The following ZFPM2 variants were observed in gnomAD, a reference collection of about 807,000 sequenced individuals.
The protein encoded by ZFPM2 is zinc finger protein ZFPM2.
Under a neutral mutation model 98.6 loss-of-function variants are expected in ZFPM2, and 20 were observed. That is an observed-to-expected ratio of 0.20 (90% CI 0.14 to 0.29). The LOEUF is 0.29. ZFPM2 is among the 10% of genes least tolerant of loss of function. The pLI is 1.00. For missense variants in ZFPM2, 1,310 were observed against 1,388.6 expected (o/e 0.94, Z 0.90); for synonymous variants, 518 against 502.7 (o/e 1.03, Z -0.41).
At chr8:105,556,413 T>G (rs1371635928) in intron 3 of ZFPM2, among the ~76,000 whole-genome samples, 1 of 152,184 alleles carries the variant, frequency 6.6e-6, no homozygotes, top group Non-Finnish European at 1.5e-5. Context: ...ATTTATCAGG[T>G]ACTTTGCCTT....
chr8:105,559,567 T>C (rs1815083115), intron 3 of ZFPM2, among the ~76,000 whole-genome samples: 1 of 152,172 alleles, frequency 6.6e-6, no homozygotes, highest in South Asian at 2.1e-4. Context: ...TGCATCTTTA[T>C]TGCTCAGATA....
At chr8:105,444,451 G>A in intron 3 of ZFPM2, 70 bp downstream of exon 3, 1 of 1,203,608 alleles carries the variant, frequency 8.3e-7, no homozygotes, top group South Asian at 1.6e-5. Flanking sequence ...TTTTTTTCTT[G>A]AACATCAGTT....
At chr8:105,651,813 A>G (rs1261068181) in intron 5 of ZFPM2, among the ~76,000 whole-genome samples, 1 of 152,230 alleles carries the variant, frequency 6.6e-6, no homozygotes, top group Non-Finnish European at 1.5e-5. Flanking sequence ...AATAAACTCT[A>G]GTGTTACCTG....
intron 3 of ZFPM2, among the ~76,000 whole-genome samples, chr8:105,467,958 A>T (rs1453229094): frequency 6.6e-6 from 1 of 151,962 alleles, no homozygotes; most frequent in Non-Finnish European, 1.5e-5. Flanking sequence ...TTCTGACTTT[A>T]TTACTACTCT....
chr8:105,407,752 T>G (rs1218760038), intron 1 of ZFPM2, among the ~76,000 whole-genome samples: 1 of 151,982 alleles, frequency 6.6e-6, no homozygotes, highest in Non-Finnish European at 1.5e-5. Context: ...AAATAAGAAC[T>G]TTACAACTTT....
rs184758433 is a variant in ZFPM2 at position 105,592,612 on chromosome 8, T to C, written c.420+31131T>C. Among the ~76,000 whole-genome samples the C allele has an allele frequency of 2.5e-3, 375 of 152,206 alleles. 1 individual carries two copies. Among genetic ancestry groups the C allele is most frequent in the Non-Finnish European group, 3.6e-3 (244 of 68,010 alleles). On this transcript the variant is annotated intron_variant, in intron 4 of 7. Transcript: ENST00000407775. ...CACACAAAACCCATATGCACACACA[T>C]ATATTAATATATATAATATATGCAG...
At chr8:105,418,516 A>G (rs1295715180) in intron 1 of ZFPM2, 2 of 514,318 alleles carry the variant, frequency 3.9e-6, no homozygotes, top group East Asian at 5.5e-5. Flanking sequence ...ATAAATACAA[A>G]TTACATTTTT....
rs1563661202 is a variant in ZFPM2 at position 105,443,332 on chromosome 8, A to AAAAAAC, written c.200-943_200-942insCAAAAA. 2.5e-4 allele frequency among the ~76,000 whole-genome samples: 37 copies of AAAAAAC among 150,782 alleles called. 1 individual carries two copies. In the South Asian group the frequency reaches 7.0e-3, roughly 29 times the overall value. On this transcript the variant is annotated intron_variant, in intron 2 of 7. Coordinates refer to ENST00000407775, the MANE Select transcript of ZFPM2 (RefSeq NM_012082.4). ...CTTCTCAAAAAACAAAAAACAAAAA[A>AAAAAAC]AAAAAAACTTGGCATTATTAAATTC...
At chr8:105,523,857 AG>A (rs1200103493) in intron 3 of ZFPM2, among the ~76,000 whole-genome samples, 1 of 152,194 alleles carries the variant, frequency 6.6e-6, no homozygotes, top group Non-Finnish European at 1.5e-5. Flanking sequence ...AATGATGTTC[AG>A]GCCCCCCTGT....
intron 4 of ZFPM2, among the ~76,000 whole-genome samples, chr8:105,626,424 T>A (rs1816656453): frequency 6.6e-6 from 1 of 152,164 alleles, no homozygotes; most frequent in South Asian, 2.1e-4. Context: ...TGAATTGAAT[T>A]CCAGGGTGGA....
At chr8:105,628,100 A>C (rs1816692123) in intron 4 of ZFPM2, among the ~76,000 whole-genome samples, 1 of 152,162 alleles carries the variant, frequency 6.6e-6, no homozygotes, top group South Asian at 2.1e-4. Context: ...TTTGCTAGTT[A>C]CTTCATTCAA....
intron 5 of ZFPM2, among the ~76,000 whole-genome samples, chr8:105,670,957 A>G (rs1469456103): frequency 2.0e-5 from 3 of 152,128 alleles, no homozygotes; most frequent in East Asian, 1.9e-4. Context: ...TGAATAATAT[A>G]CTATATATGG....
chr8:105,781,533 C>A (rs1488004964), intron 5 of ZFPM2, among the ~76,000 whole-genome samples: 1 of 151,948 alleles, frequency 6.6e-6, no homozygotes, highest in Non-Finnish European at 1.5e-5. Flanking sequence ...CCAGCCTGGG[C>A]AACATGGCAA....
chr8:105,365,874 T>C (rs1810495501), intron 1 of ZFPM2, among the ~76,000 whole-genome samples: 2 of 152,282 alleles, frequency 1.3e-5, no homozygotes, highest in Admixed American at 6.5e-5. Context: ...AACAACTTTA[T>C]TTAATTCCTC....
chr8:105,553,522 A>G (rs1170129925), intron 3 of ZFPM2, among the ~76,000 whole-genome samples: 1 of 152,158 alleles, frequency 6.6e-6, no homozygotes, highest in Non-Finnish European at 1.5e-5. Context: ...ATCGCATGAA[A>G]AGGGAATGTT....
rs1168948805 is a variant in ZFPM2, at chr8:105,757,190, A to G, written c.533-31528A>G. Among the ~76,000 whole-genome samples the G allele has an allele frequency of 3.3e-5, 5 of 152,186 alleles. No homozygotes were observed. In the East Asian group the frequency reaches 9.6e-4, roughly 29 times the overall value. On this transcript the variant is annotated intron_variant, in intron 5 of 7. Transcript: ENST00000407775. The stretch of plus-strand genomic sequence containing the variant: ...TGCTCCCTGAGAGAATACTAATAGC[A>G]TGCAAGTCTTGTTAGAGTGACGTCT...
intron 3 of ZFPM2, among the ~76,000 whole-genome samples, chr8:105,481,657 G>A (rs1161599830): frequency 2.0e-5 from 3 of 152,128 alleles, no homozygotes; most frequent in South Asian, 2.1e-4. Context: ...GTTCAGTTGA[G>A]CAACCACCAA....
intron 5 of ZFPM2, among the ~76,000 whole-genome samples, chr8:105,773,073 A>G (rs1238542565): frequency 6.6e-6 from 1 of 152,212 alleles, no homozygotes; most frequent in Admixed American, 6.5e-5. Flanking sequence ...GAATAGAATT[A>G]AATAAATAAA....
At chr8:105,341,513 AGTAT>A (rs559608779) in intron 1 of ZFPM2, among the ~76,000 whole-genome samples, 21 of 151,990 alleles carry the variant, frequency 1.4e-4, no homozygotes, top group Non-Finnish European at 2.9e-4. Flanking sequence ...GTGGCAATAC[AGTAT>A]GTATGTTACT....
Sources: allele counts gnomAD v4.1 joint callset (sites outside exome capture counted in the v4.1 genomes callset), GRCh38; gene constraint gnomAD v4.1.1; transcripts MANE v1.5; gene names NCBI Gene and HGNC (gene_info 2026-07-23, HGNC 2026-07-21).